BRI3: variants seen among roughly 807,000 people sequenced by gnomAD.
BRI3 encodes the protein brain protein I3, also known as membrane protein BRI3.
BRI3 carries 6 observed loss-of-function variants against 12.8 expected under a neutral mutation model. That is an observed-to-expected ratio of 0.47 (90% CI 0.26 to 0.93). The LOEUF (loss-of-function observed/expected upper bound fraction) is 0.93, where lower values mean the gene tolerates loss of function less well. BRI3 is among the 40% of genes least tolerant of loss of function. BRI3 has a pLI of 0.15. For synonymous variants in BRI3, 91 were observed against 76.1 expected (o/e 1.20, Z -1.02); for missense variants, 134 against 171.1 (o/e 0.78, Z 1.21).
At chr7:98,304,528 T>C, upstream of BRI3, 4 of 782,824 alleles carry the variant, frequency 5.1e-6, no homozygotes, top group Non-Finnish European at 8.1e-6. Context: ...ACACAGTACA[T>C]ATATCAATAC....
chr7:98,322,242 T>A, the BRI3 span, among the ~76,000 whole-genome samples: 1 of 152,088 alleles, frequency 6.6e-6, no homozygotes, highest in Non-Finnish European at 1.5e-5. Flanking sequence ...AATGACCCTA[T>A]CATGTCCTGT....
intron 2 of BRI3, among the ~76,000 whole-genome samples, chr7:98,288,143 G>A (rs1028352577): frequency 6.6e-6 from 1 of 152,214 alleles, no homozygotes; most frequent in Non-Finnish European, 1.5e-5. Context: ...TATACAGCCA[G>A]TGTGTTTCCT....
chr7:98,322,673 A>T, the BRI3 span, among the ~76,000 whole-genome samples: 11 of 151,996 alleles, frequency 7.2e-5, no homozygotes, highest in Non-Finnish European at 1.2e-4. Flanking sequence ...CACCCCCAGC[A>T]CTCACGTCCC....
chr7:98,289,535 C>A lies in BRI3; in HGVS notation c.246-1576C>A, dbSNP rs139277142. Among the ~76,000 whole-genome samples the A allele has an allele frequency of 2.1e-3, 320 of 152,376 alleles. 1 individual carries two copies. The highest frequency in any genetic ancestry group is 7.3e-3 in the African/African-American group (303 of 41,588). ...GTCATGCTTCCCTGTCGCAGGCAGG[C>A]GGCTGCACTGCCTTGCTGTAGGCTC... On this transcript the variant is annotated intron_variant, in intron 2 of 2. Transcript: ENST00000297290.
chr7:98,316,652 A>T, the BRI3 span, among the ~76,000 whole-genome samples: 87 of 152,282 alleles, frequency 5.7e-4, no homozygotes, highest in Non-Finnish European at 1.1e-3. Flanking sequence ...CTCTCTTCTA[A>T]CTATTTTGAA....
intron 2 of BRI3, among the ~76,000 whole-genome samples, chr7:98,288,346 G>A (rs1008231770): frequency 1.3e-5 from 2 of 152,106 alleles, no homozygotes; most frequent in African/African-American, 4.8e-5. Context: ...GGGGGAGAAG[G>A]TCCTGGAGCC....
upstream of BRI3, chr7:98,304,194 A>C: frequency 1.9e-6 from 3 of 1,581,088 alleles, no homozygotes; most frequent in Non-Finnish European, 2.6e-6. Flanking sequence ...GGCTTTACTC[A>C]CAGGAGCCGC....
chr7:98,301,494 T>TATATA (rs1562964491), intron 1 of BRI3, among the ~76,000 whole-genome samples: 6 of 149,354 alleles, frequency 4.0e-5, no homozygotes, highest in Non-Finnish European at 7.4e-5. Context: ...TATATATATA[T>TATATA]TTTAAGTGGA....
At chr7:98,306,949 A>G (rs1396649938) in intron 1 of BRI3, 3 of 171,644 alleles carry the variant, frequency 1.7e-5, no homozygotes, top group African/African-American at 7.2e-5. Context: ...GGTTTTATTT[A>G]ATACATCTGA....
upstream of BRI3, among the ~76,000 whole-genome samples, chr7:98,303,765 A>G (rs1270395680): frequency 6.6e-6 from 1 of 152,224 alleles, no homozygotes; most frequent in Non-Finnish European, 1.5e-5. Flanking sequence ...AGGGTTAAAG[A>G]TAACATCCAC....
upstream of BRI3, chr7:98,304,306 C>T (rs1800547427): frequency 3.1e-6 from 5 of 1,613,478 alleles, no homozygotes; most frequent in Middle Eastern, 1.7e-4. Context: ...TCCAAGTAGT[C>T]GGGTGGGGGG....
downstream of BRI3, among the ~76,000 whole-genome samples, chr7:98,315,248 A>G (rs1179885434): frequency 6.6e-6 from 1 of 151,944 alleles, no homozygotes; most frequent in Non-Finnish European, 1.5e-5. Flanking sequence ...CAGCCTCCTG[A>G]GTAGCTGGGA....
downstream of BRI3, chr7:98,293,422 C>A (rs1800050334): frequency 1.8e-6 from 2 of 1,123,306 alleles, no homozygotes; most frequent in African/African-American, 3.0e-5. Context: ...TAGGCCTCTC[C>A]ACTGAAGCTT....
chr7:98,290,178 GTT>G (rs1195241262), intron 2 of BRI3, among the ~76,000 whole-genome samples: 1 of 92,280 alleles, frequency 1.1e-5, no homozygotes, highest in African/African-American at 3.5e-5. Flanking sequence ...GCCTCTCAAG[GTT>G]GTTTTTTTTT....
At chr7:98,311,566 CAGTA>C (rs1333723909), downstream of BRI3, among the ~76,000 whole-genome samples, 5 of 150,664 alleles carry the variant, frequency 3.3e-5, no homozygotes, top group Non-Finnish European at 3.0e-5. Flanking sequence ...AAAAAAAAAA[CAGTA>C]AGGATAAAAT....
chr7:98,294,515 A>G (rs1562961658), downstream of BRI3, among the ~76,000 whole-genome samples: 1 of 152,194 alleles, frequency 6.6e-6, no homozygotes, highest in African/African-American at 2.4e-5. Context: ...GGGAGCTCAC[A>G]TGTGAACGAG....
intron 2 of BRI3, among the ~76,000 whole-genome samples, chr7:98,284,993 A>G (rs10953254): frequency 0.22 from 34,106 of 151,956 alleles, 4,395 homozygotes; most frequent in East Asian, 0.49. Context: ...CTGCGCTGGG[A>G]GGCTCTCCTG....
chr7:98,313,547 C>T (rs1800957607), downstream of BRI3, among the ~76,000 whole-genome samples: 1 of 152,054 alleles, frequency 6.6e-6, no homozygotes, highest in South Asian at 2.1e-4. Context: ...TCTACATTCC[C>T]GAAACTAGTA....
downstream of BRI3, among the ~76,000 whole-genome samples, chr7:98,313,494 A>G (rs985225241): frequency 1.3e-5 from 2 of 152,024 alleles, no homozygotes; most frequent in Admixed American, 1.3e-4. Context: ...CCCTGGTGCC[A>G]CAGGATGCCC....
Sources: allele counts gnomAD v4.1 joint callset (sites outside exome capture counted in the v4.1 genomes callset), GRCh38; gene constraint gnomAD v4.1.1; transcripts MANE v1.5; gene names NCBI Gene and HGNC (gene_info 2026-07-23, HGNC 2026-07-21).